Variants in ACCSL observed in about 807,000 individuals in gnomAD.
The protein encoded by ACCSL is 1-aminocyclopropane-1-carboxylate synthase homolog (inactive) like, also known as probable inactive 1-aminocyclopropane-1-carboxylate synthase-like protein 2.
Under a neutral mutation model 61.7 loss-of-function variants are expected in ACCSL, and 55 were observed. The observed-to-expected ratio is 0.89, with a 90% confidence interval of 0.72 to 1.12. The LOEUF is 1.12. ACCSL is among the 50% of genes most tolerant of loss of function. ACCSL has a pLI of 0.00. For synonymous variants in ACCSL, 258 were observed against 264.3 expected (o/e 0.98, Z 0.23); for missense variants, 632 against 698.0 (o/e 0.91, Z 1.07).
intron 11 of ACCSL, among the ~76,000 whole-genome samples, chr11:44,057,024 A>G (rs888868416): frequency 2.0e-5 from 3 of 152,220 alleles, no homozygotes; most frequent in African/African-American, 7.2e-5. Context: ...TTATAAAACC[A>G]AAAACAACAC....
the ACCSL span, among the ~76,000 whole-genome samples, chr11:43,950,192 C>T: frequency 6.6e-6 from 1 of 152,318 alleles, no homozygotes; most frequent in African/African-American, 2.4e-5. Context: ...CTGGATGGAA[C>T]CAATGTACAT....
Position 44,050,106 on chromosome 11 carries a change from T to A in ACCSL, c.549T>A (p.Asp183Glu), listed in dbSNP as rs367848267. The change falls in exon 2 of 14, where the codon GAT becomes GAA. Residue 183 changes from aspartate to glutamate, a missense_variant. By Grantham distance (45) the Asp-to-Glu change is conservative. Coordinates refer to ENST00000378832, the MANE Select transcript of ACCSL (RefSeq NM_001031854.2). ...CCAGTGAGAACAAGCTCTGCATGGATCTGATGACTGAAAGAGTAAGGATGT... is the reference window on the plus strand; with the variant it reads ...CCAGTGAGAACAAGCTCTGCATGGAACTGATGACTGAAAGAGTAAGGATGT... The part of the protein sequence containing the change: ...LGTSENKLCM[D>E]LMTERLQESD... 1 of 1,614,020 alleles carries A rather than the reference T, an allele frequency of 6.2e-7. No individual in the cohort carries two copies. The highest frequency in any genetic ancestry group is 8.5e-7 in the Non-Finnish European group (1 of 1,179,906).
At chr11:43,997,518 T>C in the ACCSL span, among the ~76,000 whole-genome samples, 1 of 152,180 alleles carries the variant, frequency 6.6e-6, no homozygotes, top group Non-Finnish European at 1.5e-5. Flanking sequence ...TGCTGTTCTC[T>C]CCTCTCCTAC....
chr11:44,042,890 G>A, the ACCSL span, among the ~76,000 whole-genome samples: 1 of 151,960 alleles, frequency 6.6e-6, no homozygotes, highest in Non-Finnish European at 1.5e-5. Context: ...AAACTGGCCT[G>A]GGCAACAAGG....
chr11:43,943,380 C>T, the ACCSL span: 3 of 1,399,680 alleles, frequency 2.1e-6, no homozygotes, highest in Admixed American at 3.4e-5. The surrounding 1 kb of genome is among the most constrained non-coding windows in gnomAD (Gnocchi z 4.8). Context: ...CGCAAGGACC[C>T]GGGACCGCCG....
At chr11:43,954,597 T>C in the ACCSL span, among the ~76,000 whole-genome samples, 3 of 151,932 alleles carry the variant, frequency 2.0e-5, no homozygotes, top group Non-Finnish European at 2.9e-5. Flanking sequence ...TCTTTTTTTT[T>C]TTTTGAGGTG....
At chr11:43,954,588 C>CT in the ACCSL span, among the ~76,000 whole-genome samples, 118 of 145,690 alleles carry the variant, frequency 8.1e-4, no homozygotes, top group East Asian at 7.7e-3. Context: ...TTCTTTCTTT[C>CT]TTTTTTTTTT....
the ACCSL span, among the ~76,000 whole-genome samples, chr11:44,028,710 T>G: frequency 6.6e-6 from 1 of 152,184 alleles, no homozygotes; most frequent in Admixed American, 6.5e-5. Context: ...CCCAAGGGAC[T>G]TAGCCTTGTT....
chr11:43,978,641 C>T, the ACCSL span, among the ~76,000 whole-genome samples: 51 of 152,232 alleles, frequency 3.4e-4, no homozygotes, highest in African/African-American at 1.2e-3. Context: ...TTTCTCCCAT[C>T]TTCCCATCCC....
At chr11:44,047,445 ATGGTCTCTGTCACG>A (rs1002428043), upstream of ACCSL, among the ~76,000 whole-genome samples, 12 of 152,234 alleles carry the variant, frequency 7.9e-5, no homozygotes, top group Non-Finnish European at 1.3e-4. Flanking sequence ...CGTGGACCAC[ATGGTCTCTGTCACG>A]TGGTCTCTGT....
chr11:43,968,632 T>C, the ACCSL span, among the ~76,000 whole-genome samples: 1 of 152,224 alleles, frequency 6.6e-6, no homozygotes, highest in Non-Finnish European at 1.5e-5. Context: ...TAATCAGGGA[T>C]TGTGAATTCA....
the ACCSL span, among the ~76,000 whole-genome samples, chr11:43,979,338 G>T: frequency 1.3e-5 from 2 of 151,092 alleles, no homozygotes; most frequent in Non-Finnish European, 3.0e-5. Context: ...TCTCAAAAAA[G>T]AAAAAAACAA....
At chr11:43,979,846 C>CAAAAAAAAAAAAAAAAA in the ACCSL span, among the ~76,000 whole-genome samples, 1 of 50,814 alleles carries the variant, frequency 2.0e-5, no homozygotes, top group Non-Finnish European at 4.4e-5. Flanking sequence ...GACTCTGTCT[C>CAAAAAAAAAAAAAAAAA]AAAAAAAAAA....
the ACCSL span, among the ~76,000 whole-genome samples, chr11:44,007,704 C>A: frequency 6.6e-6 from 1 of 152,304 alleles, no homozygotes; most frequent in South Asian, 2.1e-4. Flanking sequence ...AGCCCCAGAG[C>A]GCCTCAGGGA....
At chr11:44,000,553 A>G in the ACCSL span, among the ~76,000 whole-genome samples, 2 of 144,032 alleles carry the variant, frequency 1.4e-5, no homozygotes, top group Non-Finnish European at 3.1e-5. Context: ...AGAAAACAAA[A>G]TTGTAAAACA....
At chr11:43,972,486 A>G in the ACCSL span, among the ~76,000 whole-genome samples, 8,197 of 152,272 alleles carry the variant, frequency 0.054, 275 homozygotes, top group Middle Eastern at 0.095. Flanking sequence ...TTGGTGATTC[A>G]TGCTGATACC....
the ACCSL span, among the ~76,000 whole-genome samples, chr11:43,935,228 A>G: frequency 6.6e-6 from 1 of 152,180 alleles, no homozygotes; most frequent in Non-Finnish European, 1.5e-5. Flanking sequence ...CAATGGTTCA[A>G]GGCCACAGAG....
chr11:43,989,512 T>C, the ACCSL span, among the ~76,000 whole-genome samples: 4 of 152,328 alleles, frequency 2.6e-5, no homozygotes, highest in South Asian at 8.3e-4. Flanking sequence ...GGTCTCTGCT[T>C]ACAGGACAGG....
At chr11:43,932,608 G>A in the ACCSL span, among the ~76,000 whole-genome samples, 9 of 152,232 alleles carry the variant, frequency 5.9e-5, 1 homozygote, top group South Asian at 1.5e-3. Flanking sequence ...CCAAAGTATC[G>A]GAGCAGGCAG....
Sources: allele counts gnomAD v4.1 joint callset (sites outside exome capture counted in the v4.1 genomes callset), GRCh38; gene constraint gnomAD v4.1.1; non-coding constraint Gnocchi (gnomAD v3.1); transcripts MANE v1.5; gene names NCBI Gene and HGNC (gene_info 2026-07-23, HGNC 2026-07-21).